DHRS4L2: variants seen among roughly 807,000 people sequenced by gnomAD.
DHRS4L2 encodes the protein dehydrogenase/reductase 4 like 2, also known as dehydrogenase/reductase SDR family member 4-like 2.
Under a neutral mutation model 23.9 loss-of-function variants are expected in DHRS4L2, and 22 were observed. The ratio of observed to expected loss-of-function variants is 0.92; its 90% CI spans 0.66 to 1.31. The LOEUF (loss-of-function observed/expected upper bound fraction) is 1.31, where lower values mean the gene tolerates loss of function less well. DHRS4L2 is among the 40% of genes most tolerant of loss of function. DHRS4L2 has a pLI of 0.00. For missense variants in DHRS4L2, 385 were observed against 303.3 expected, an observed-to-expected ratio of 1.27 and a Z score of -2.00; for synonymous variants, 141 against 123.7, an observed-to-expected ratio of 1.14 and a Z score of -0.93.
intron 1 of DHRS4L2, among the ~76,000 whole-genome samples, chr14:23,981,555 G>A (rs1313556197): frequency 6.6e-6 from 1 of 151,660 alleles, no homozygotes; most frequent in Non-Finnish European, 1.5e-5. Flanking sequence ...GAGAGACTGA[G>A]GAAAGAAATA....
Position 23,990,340 on chromosome 14 carries a change from G to C in DHRS4L2, c.287G>C (p.Arg96Pro), listed in dbSNP as rs750181122. The C allele has an allele frequency of 3.1e-6, 5 of 1,611,170 alleles. No homozygotes were observed. The highest frequency in any genetic ancestry group is 3.4e-6 in the Non-Finnish European group (4 of 1,178,638). ...TVCHVGKAED[R>P]ERLVAMAVKL... The stretch of plus-strand genomic sequence containing the variant: ...TGCCATGTGGGGAAGGCGGAGGACC[G>C]GGAGCGGCTGGTGGCCATGGTGAGC... Residue 96 changes from arginine (R) to proline (P), a missense_variant, in exon 2 of 8, where the codon CGG (arginine) becomes CCG (proline). By Grantham distance (103) the Arg-to-Pro change is moderately radical. Transcript: ENST00000335125.
At chr14:23,972,027 G>C (rs1196603279) in intron 1 of DHRS4L2, among the ~76,000 whole-genome samples, 3 of 151,680 alleles carry the variant, frequency 2.0e-5, no homozygotes, top group Non-Finnish European at 4.4e-5. Flanking sequence ...AAAAGACACA[G>C]ACTGGCAAAT....
In DHRS4L2 at chr14:23,970,563, G is replaced by C. The variant is rs2332160; in HGVS notation, c.-176+231G>C. The stretch of plus-strand genomic sequence containing the variant: ...AGGGCATATCTGAACAAAAGGCAGC[G>C]GACAGCTTCTGCAGACTTCAGTGTC... On this transcript the variant is annotated intron_variant, in intron 1 of 5. Coordinates refer to the DHRS4L2 transcript ENST00000534993. 2.0e-5 allele frequency among the ~76,000 whole-genome samples: 3 copies of C among 150,958 alleles called. No homozygotes were observed. In the East Asian group the frequency reaches 5.8e-4, roughly 29 times the overall value.
rs528546226 is a variant in DHRS4L2 at position 23,983,425 on chromosome 14, T to C, written c.-175-6757T>C. On this transcript the variant is annotated intron_variant, in intron 1 of 5. Transcript: ENST00000534993. ...TGGAGAAATAGGAACACTTTTACAC[T>C]GTTGGTGGTAGTGTAAATTAGTTCA... is the stretch of plus-strand genomic sequence containing the variant. Among the ~76,000 whole-genome samples the C allele has an allele frequency of 8.2e-4, 125 of 151,846 alleles. 3 individuals carry two copies. Among genetic ancestry groups the C allele is most frequent in the African/African-American group, 2.9e-3 (120 of 41,434 alleles).
At chr14:23,976,564 G>C (rs2033970974) in intron 1 of DHRS4L2, among the ~76,000 whole-genome samples, 1 of 151,758 alleles carries the variant, frequency 6.6e-6, no homozygotes, top group South Asian at 2.1e-4. Context: ...CAAGGATCTA[G>C]AACCAGAAAT....
At chr14:23,978,135 A>C (rs1177220561) in intron 1 of DHRS4L2, among the ~76,000 whole-genome samples, 1 of 151,466 alleles carries the variant, frequency 6.6e-6, no homozygotes, top group East Asian at 1.9e-4. Flanking sequence ...TTTTAAGGTA[A>C]TTTGACCATC....
chr14:23,981,278 A>C (rs1186369116), intron 1 of DHRS4L2, among the ~76,000 whole-genome samples: 1 of 151,622 alleles, frequency 6.6e-6, no homozygotes, highest in African/African-American at 2.4e-5. Flanking sequence ...GGAGAACTAC[A>C]AACCACTGCT....
At chr14:23,983,031 T>C (rs1232056434) in intron 1 of DHRS4L2, among the ~76,000 whole-genome samples, 2 of 151,368 alleles carry the variant, frequency 1.3e-5, no homozygotes, top group East Asian at 3.9e-4. Context: ...ATAGACAAAT[T>C]GGACCTGATT....
chr14:23,984,536 CCT>C (rs2034106542), upstream of DHRS4L2, among the ~76,000 whole-genome samples: 1 of 151,496 alleles, frequency 6.6e-6, no homozygotes, highest in Non-Finnish European at 1.5e-5. Context: ...GTGGCTCATG[CCT>C]GTAATCCCAG....
chr14:24,001,853 G>GA (rs1366376030), intron 6 of DHRS4L2, among the ~76,000 whole-genome samples: 1 of 101,248 alleles, frequency 9.9e-6, no homozygotes, highest in African/African-American at 6.6e-5. Flanking sequence ...CTGGGAGCTA[G>GA]AAAAAAATAG....
At position 23,995,107 on chromosome 14, in the gene DHRS4L2, G is replaced by T. The variant is rs1566497620; in HGVS notation, c.382G>T (p.Asp128Tyr). ...AVNPFFGSLM[D>Y]VTEEVWDKTL... The stretch of plus-strand genomic sequence containing the variant: ...CAACCCTTTCTTTGGAAGCCTAATG[G>T]ATGTCACCGAGGAGGTGTGGGACAA... Residue 128 changes from aspartate (D) to tyrosine (Y), a missense_variant, in exon 3 of 8, where the codon GAT becomes TAT. Coordinates refer to ENST00000335125, the MANE Select transcript of DHRS4L2 (RefSeq NM_198083.4). 1 of 1,612,854 alleles carries T rather than the reference G, an allele frequency of 6.2e-7. No homozygotes were observed. The highest frequency in any genetic ancestry group is 8.5e-7 in the Non-Finnish European group (1 of 1,179,418).
chr14:23,976,455 T>C (rs369807981), intron 1 of DHRS4L2, among the ~76,000 whole-genome samples: 5 of 151,696 alleles, frequency 3.3e-5, no homozygotes, highest in East Asian at 3.9e-4. Context: ...CAGGAAACAA[T>C]AGAAGCTGGA....
intron 2 of DHRS4L2, among the ~76,000 whole-genome samples, chr14:23,994,334 A>G (rs542209840): frequency 9.2e-5 from 14 of 151,712 alleles, no homozygotes; most frequent in South Asian, 4.2e-4. Context: ...TTCCAAAGGG[A>G]AAGTGTAAAG....
At chr14:23,990,426 C>T (rs979641087) in intron 2 of DHRS4L2, 67 bp downstream of exon 2, 1 of 1,526,382 alleles carries the variant, frequency 6.6e-7, no homozygotes, top group Non-Finnish European at 8.8e-7. Flanking sequence ...GCCTCCTTCC[C>T]TGCTTTCCTA....
In DHRS4L2 at chr14:23,995,015, C is replaced by T. The variant is rs2034350397; in HGVS notation, c.307-17C>T. 6.2e-7 allele frequency: 1 copy of T among 1,612,444 alleles called. No individual in the cohort carries two copies. On this transcript the variant is annotated splice_polypyrimidine_tract_variant and intron_variant, in intron 2 of 7. Transcript: ENST00000335125. ...TACTTACTGCAGCCCTGGTCCAGAC[C>T]TTACCCCTCTCTCTAGGCTGTGAAG...
In DHRS4L2 at chr14:24,006,161, C is replaced by A. The variant is rs866929703; in HGVS notation, c.*298C>A. 16 of 1,330,896 alleles carry A rather than the reference C, an allele frequency of 1.2e-5. No homozygotes were observed. Among genetic ancestry groups the A allele is most frequent in the Non-Finnish European group, 1.5e-5 (15 of 1,007,964 alleles). The allele number at this position is 1,330,896 out of a possible 1,614,324, so 82.4% of individuals were successfully genotyped here. A position where few individuals can be genotyped will look rare whatever the true frequency, so the allele number is the denominator to read the frequency against. On this transcript the variant is annotated 3_prime_UTR_variant, in exon 8 of 8. Coordinates refer to ENST00000335125, the MANE Select transcript of DHRS4L2 (RefSeq NM_198083.4). ...CCAGCCTTCCCTGCCGTCAAGGTGG[C>A]GTCTTACTCGGGATTCCTGCTGTTG...
chr14:23,971,968 A>T (rs1318387548), intron 1 of DHRS4L2, among the ~76,000 whole-genome samples: 1 of 152,124 alleles, frequency 6.6e-6, no homozygotes, highest in Non-Finnish European at 1.5e-5. Context: ...GATCAAATTC[A>T]CATATAACAA....
intron 1 of DHRS4L2, among the ~76,000 whole-genome samples, chr14:23,983,014 A>G (rs528616682): frequency 6.6e-6 from 1 of 151,792 alleles, no homozygotes; most frequent in African/African-American, 2.4e-5. Flanking sequence ...ATGGCAACGA[A>G]GTCCAAATAG....
chr14:23,993,766 G>T (rs2034317741), intron 2 of DHRS4L2, among the ~76,000 whole-genome samples: 1 of 151,652 alleles, frequency 6.6e-6, no homozygotes, highest in Non-Finnish European at 1.5e-5. Flanking sequence ...CAGGGAAAAT[G>T]ACATCATAAC....
Sources: allele counts gnomAD v4.1 joint callset (sites outside exome capture counted in the v4.1 genomes callset), GRCh38; gene constraint gnomAD v4.1.1; transcripts MANE v1.5; gene names NCBI Gene and HGNC (gene_info 2026-07-23, HGNC 2026-07-21).